CAST: variants seen among roughly 807,000 people sequenced by gnomAD.
CAST encodes the protein calpastatin.
In CAST, 76 loss-of-function variants were observed where a neutral mutation model predicts 119.6. That is an observed-to-expected ratio of 0.64 (90% confidence interval 0.53 to 0.77). The LOEUF is 0.77. Among genes scored for constraint, CAST ranks in the 30% least tolerant of loss-of-function variants. CAST has a pLI of 0.00. For synonymous variants in CAST, 319 were observed against 331.6 expected, an observed-to-expected ratio of 0.96 and a Z score of 0.41; for missense variants, 953 against 946.5, an observed-to-expected ratio of 1.01 and a Z score of -0.09.
At chr5:95,961,460 C>A in the CAST span, 4 of 1,258,978 alleles carry the variant, frequency 3.2e-6, no homozygotes, top group African/African-American at 1.6e-5. Context: ...CCGCTGCGGG[C>A]GCTGACGGTA....
the CAST span, among the ~76,000 whole-genome samples, chr5:96,204,802 A>G: frequency 1.3e-5 from 2 of 152,006 alleles, no homozygotes; most frequent in East Asian, 3.9e-4. Flanking sequence ...ATACCATATC[A>G]GGAAGACTCC....
At chr5:96,534,774 AAAGAAAGAAAGAAAGAAAGAAAGAAAG>A (rs1745765283) in intron 1 of CAST, among the ~76,000 whole-genome samples, 3 of 137,288 alleles carry the variant, frequency 2.2e-5, no homozygotes, top group African/African-American at 8.3e-5. Flanking sequence ...AGAAAGAAAG[AAAGAAAGAAAGAAAGAAAGAAAGAAAG>A]AAGAAAGAAA....
chr5:96,041,742 G>A, the CAST span, among the ~76,000 whole-genome samples: 3 of 152,016 alleles, frequency 2.0e-5, no homozygotes, highest in Non-Finnish European at 2.9e-5. Context: ...TAGTCATAGG[G>A]CCAGCCCAGA....
At chr5:96,262,526 T>C in the CAST span, among the ~76,000 whole-genome samples, 1 of 151,978 alleles carries the variant, frequency 6.6e-6, no homozygotes, top group Non-Finnish European at 1.5e-5. Context: ...CTTTTTTTGT[T>C]GTTTTGTTTT....
intron 1 of CAST, among the ~76,000 whole-genome samples, chr5:96,556,182 AG>A (rs1190598626): frequency 6.6e-6 from 1 of 152,248 alleles, no homozygotes; most frequent in Non-Finnish European, 1.5e-5. Flanking sequence ...ACAAACAGAA[AG>A]GACATCCACA....
At chr5:96,565,993 C>T (rs767059743) in intron 1 of CAST, among the ~76,000 whole-genome samples, 1 of 152,074 alleles carries the variant, frequency 6.6e-6, no homozygotes, top group East Asian at 1.9e-4. Context: ...AAAATAGAGG[C>T]GGAGAATCAT....
chr5:96,627,655 G>A (rs1747748506), intron 1 of CAST, among the ~76,000 whole-genome samples: 2 of 152,264 alleles, frequency 1.3e-5, no homozygotes, highest in African/African-American at 2.4e-5. Context: ...TCCTGTTTAC[G>A]GAAAGAAAGG....
upstream of CAST, among the ~76,000 whole-genome samples, chr5:96,658,940 G>A (rs933252154): frequency 5.9e-5 from 9 of 152,210 alleles, no homozygotes; most frequent in African/African-American, 1.4e-4. Context: ...CAGCAAATGC[G>A]ATGTGGTATC....
chr5:96,425,726 CAT>C, the CAST span: 1 of 654,754 alleles, frequency 1.5e-6, no homozygotes, highest in East Asian at 2.8e-5. Flanking sequence ...AATTCTCCAT[CAT>C]AAAAAAAAAA....
chr5:96,151,172 T>C, the CAST span, among the ~76,000 whole-genome samples: 1 of 152,188 alleles, frequency 6.6e-6, no homozygotes, highest in Non-Finnish European at 1.5e-5. Context: ...GTGATAGCTA[T>C]GGGACTGGTG....
At chr5:96,217,468 T>G in the CAST span, among the ~76,000 whole-genome samples, 1 of 152,110 alleles carries the variant, frequency 6.6e-6, no homozygotes, top group African/African-American at 2.4e-5. Flanking sequence ...ACTATAACCA[T>G]TTGGTGCCGC....
the CAST span, among the ~76,000 whole-genome samples, chr5:96,390,054 A>C: frequency 6.6e-6 from 1 of 152,216 alleles, no homozygotes; most frequent in Non-Finnish European, 1.5e-5. Context: ...AATGTTGGGA[A>C]TCATTTCTCT....
At chr5:96,288,789 G>C in the CAST span, among the ~76,000 whole-genome samples, 1 of 152,016 alleles carries the variant, frequency 6.6e-6, no homozygotes, top group African/African-American at 2.4e-5. Flanking sequence ...TAAAGACATG[G>C]ATAAAAAGAC....
the CAST span, among the ~76,000 whole-genome samples, chr5:96,509,767 A>G: frequency 1.3e-5 from 2 of 152,228 alleles, no homozygotes; most frequent in African/African-American, 2.4e-5. Flanking sequence ...CAAGACTGAT[A>G]ATGCTTTTTC....
intron 1 of CAST, among the ~76,000 whole-genome samples, chr5:96,595,482 A>G (rs1291356673): frequency 6.6e-6 from 1 of 152,172 alleles, no homozygotes; most frequent in Non-Finnish European, 1.5e-5. Flanking sequence ...GGAAGACAGG[A>G]CCCCAGTCAT....
chr5:96,197,212 A>T, the CAST span, among the ~76,000 whole-genome samples: 1 of 152,142 alleles, frequency 6.6e-6, no homozygotes, highest in African/African-American at 2.4e-5. Context: ...GTTCAAATCC[A>T]GAGAGCAACC....
intron 2 of CAST, among the ~76,000 whole-genome samples, chr5:96,689,782 C>T (rs949157421): frequency 1.3e-5 from 2 of 152,096 alleles, no homozygotes; most frequent in African/African-American, 2.4e-5. Flanking sequence ...ATGAAGTCTA[C>T]CTTATAGATG....
the CAST span, among the ~76,000 whole-genome samples, chr5:96,515,574 G>A: frequency 1.8e-4 from 28 of 152,152 alleles, no homozygotes; most frequent in South Asian, 1.2e-3. Context: ...CAGCCTCAGT[G>A]CCAGTAATAT....
chr5:96,075,506 G>A, the CAST span, among the ~76,000 whole-genome samples: 2 of 152,122 alleles, frequency 1.3e-5, no homozygotes, highest in African/African-American at 2.4e-5. Context: ...GTAGGGACTC[G>A]AAACCAATTT....
Sources: gnomAD v4.1 joint callset for allele counts (sites outside exome capture counted in the v4.1 genomes callset) on GRCh38, gnomAD v4.1.1 for gene constraint, MANE v1.5 for transcripts, NCBI Gene and HGNC (gene_info 2026-07-23, HGNC 2026-07-21) for gene names.